CDC27: variants seen among roughly 807,000 people sequenced by gnomAD.
CDC27 encodes the protein cell division cycle 27, also known as cell division cycle protein 27 homolog.
Under a neutral mutation model 109.7 loss-of-function variants are expected in CDC27, and 27 were observed. The ratio of observed to expected loss-of-function variants is 0.25; its 90% CI spans 0.18 to 0.34. The LOEUF is 0.34. Among genes scored for constraint, CDC27 ranks in the 10% least tolerant of loss-of-function variants. The pLI is 1.00. For missense variants in CDC27, 579 were observed against 960.2 expected (o/e 0.60, Z 5.25); for synonymous variants, 266 against 333.9 (o/e 0.80, Z 2.22).
chr17:47,183,966 G>T (rs1011753775), intron 1 of CDC27, among the ~76,000 whole-genome samples: 16 of 152,226 alleles, frequency 1.1e-4, no homozygotes, highest in African/African-American at 3.4e-4. Flanking sequence ...ATAAATAGAA[G>T]AATTATTTTA....
rs775964025 is a variant in CDC27 at position 47,123,870 on chromosome 17, T to C, written c.2235+16A>G. ...CTATGAAAGTCACTGTTTGGGACCA[T>C]GACCCCAGTCTTTACCTTTCCTATT... On this transcript the variant is annotated intron_variant, in intron 17 of 18. Coordinates refer to ENST00000066544, the MANE Select transcript of CDC27 (RefSeq NM_001256.6). The C allele has an allele frequency of 4.5e-6, 7 of 1,555,166 alleles. No individual in the cohort carries two copies. The South Asian group carries it at 4.8e-5, about 11-fold the overall frequency.
intron 3 of CDC27, among the ~76,000 whole-genome samples, chr17:47,170,568 T>TGATCTTAAAATTTCACTTTTAC (rs1291184150): frequency 6.6e-6 from 1 of 152,206 alleles, no homozygotes; most frequent in African/African-American, 2.4e-5. Context: ...TGGAAATTTA[T>TGATCTTAAAATTTCACTTTTAC]GATCTTAAAA....
At chr17:47,168,053 G>A (rs2063701656) in intron 4 of CDC27, among the ~76,000 whole-genome samples, 1 of 152,246 alleles carries the variant, frequency 6.6e-6, no homozygotes, top group South Asian at 2.1e-4. Context: ...CTCCAGGCAA[G>A]CCACCTGCCA....
chr17:47,176,069 C>T (rs1281030834), intron 2 of CDC27, among the ~76,000 whole-genome samples: 2 of 152,044 alleles, frequency 1.3e-5, no homozygotes, highest in African/African-American at 4.8e-5. Flanking sequence ...AATACATGCA[C>T]AGCAATTAGG....
At chr17:47,180,299 C>A (rs1012535034) in intron 2 of CDC27, among the ~76,000 whole-genome samples, 1 of 152,086 alleles carries the variant, frequency 6.6e-6, no homozygotes, top group African/African-American at 2.4e-5. Context: ...CCTTTCTAAT[C>A]TTTTCATTGG....
rs1469215208 is a variant in CDC27, at chr17:47,131,329, C to CT, written c.2031+927dup. Among the ~76,000 whole-genome samples, 3 of 152,086 alleles carry CT rather than the reference C, an allele frequency of 2.0e-5. No individual in the cohort carries two copies. The East Asian group carries it at 5.8e-4, about 29-fold the overall frequency. On this transcript the variant is annotated intron_variant, in intron 15 of 18. Transcript: ENST00000066544. ...TAACTATAAAAGAAGTTACTGTCAA[C>CT]TTTTTTTTCTTGCCCTGTCTTACGG...
At chr17:47,161,424 G>C (rs1336385671) in intron 4 of CDC27, among the ~76,000 whole-genome samples, 1 of 152,176 alleles carries the variant, frequency 6.6e-6, no homozygotes, top group Non-Finnish European at 1.5e-5. Flanking sequence ...TGGCAAATCA[G>C]TGCTTGGGAG....
In CDC27 at chr17:47,170,035, C is replaced by A; in HGVS notation, c.259G>T (p.Glu87Ter). The A allele has an allele frequency of 6.6e-7, 1 of 1,515,990 alleles. No homozygotes were observed. The highest frequency in any genetic ancestry group is 8.8e-7 in the Non-Finnish European group (1 of 1,135,528). The allele number at this position is 1,515,990 out of a possible 1,614,324, so 93.9% of individuals were successfully genotyped here. A position where few individuals can be genotyped will look rare whatever the true frequency, so the allele number is the denominator to read the frequency against. Residue 87 changes from glutamate (E) to a stop codon, truncating the protein, a stop_gained, in exon 4 of 19, where the codon GAA becomes TAA. Coordinates refer to ENST00000066544, the MANE Select transcript of CDC27 (RefSeq NM_001256.6). LOFTEE classifies it high-confidence loss of function. The part of the protein sequence containing the change: ...KCCVDLSKLA[E>*]GEQILSGGVF... ...CCACCAGATAAGATTTGTTCCCCTTCTGCAAGCCTTTAAAATACAAATTTA... is the reference window on the plus strand; with the variant it reads ...CCACCAGATAAGATTTGTTCCCCTTATGCAAGCCTTTAAAATACAAATTTA...
chr17:47,177,748 C>T (rs926503835), intron 2 of CDC27, among the ~76,000 whole-genome samples: 2 of 151,974 alleles, frequency 1.3e-5, no homozygotes, highest in African/African-American at 2.4e-5. Context: ...AGTTACAATC[C>T]TCTTAGTCTC....
chr17:47,132,080 G>A (rs2062360837), intron 15 of CDC27, among the ~76,000 whole-genome samples, 177 bp downstream of exon 15: 1 of 68,686 alleles, frequency 1.5e-5, no homozygotes, highest in South Asian at 5.2e-4. Flanking sequence ...CAAGGGATAA[G>A]GGCAATTCTG....
At chr17:47,181,054 C>A (rs190374473) in intron 2 of CDC27, among the ~76,000 whole-genome samples, 1 of 148,858 alleles carries the variant, frequency 6.7e-6, no homozygotes, top group African/African-American at 2.5e-5. Context: ...GAATTTGAGA[C>A]CAGCCTGGGC....
chr17:47,172,416 A>G lies in CDC27; in HGVS notation c.104-352T>C, dbSNP rs550329683. Among the ~76,000 whole-genome samples, 3 of 152,286 alleles carry G rather than the reference A, an allele frequency of 2.0e-5. No individual in the cohort carries two copies. The South Asian group carries it at 6.2e-4, about 32-fold the overall frequency. On this transcript the variant is annotated intron_variant, in intron 2 of 18. Coordinates refer to ENST00000066544, the MANE Select transcript of CDC27 (RefSeq NM_001256.6). ...TTTTTAGGTAATATTTTTCTAATAA[A>G]TCTTTCGGGAGGATAGAAGTCAAAT...
chr17:47,150,659 T>G (rs1047845890), intron 9 of CDC27, among the ~76,000 whole-genome samples: 2 of 152,200 alleles, frequency 1.3e-5, no homozygotes, highest in African/African-American at 2.4e-5. Flanking sequence ...TGGTACTTTG[T>G]TATGGCAGCC....
chr17:47,149,234 G>A (rs1321141247), intron 9 of CDC27, among the ~76,000 whole-genome samples: 1 of 151,486 alleles, frequency 6.6e-6, no homozygotes, highest in African/African-American at 2.4e-5. Flanking sequence ...AAAAAGGCCA[G>A]GTGCGGTGGG....
intron 4 of CDC27, among the ~76,000 whole-genome samples, chr17:47,162,317 T>C (rs754759178): frequency 3.6e-4 from 55 of 152,244 alleles, no homozygotes; most frequent in Non-Finnish European, 7.5e-4. Flanking sequence ...TCCTAATTAA[T>C]GTCTTGCCTC....
At chr17:47,149,083 A>G (rs2063068225) in intron 9 of CDC27, among the ~76,000 whole-genome samples, 1 of 151,386 alleles carries the variant, frequency 6.6e-6, no homozygotes, top group African/African-American at 2.4e-5. Context: ...GTCTCAAAAA[A>G]AAAAAAAAAA....
chr17:47,171,342 A>C (rs976591203), intron 3 of CDC27, among the ~76,000 whole-genome samples: 5 of 152,242 alleles, frequency 3.3e-5, no homozygotes, highest in Admixed American at 2.0e-4. Context: ...CCAATTATAC[A>C]TACAGGCTTT....
At chr17:47,181,126 G>A (rs1395280047) in intron 2 of CDC27, among the ~76,000 whole-genome samples, 1 of 148,618 alleles carries the variant, frequency 6.7e-6, no homozygotes, top group Non-Finnish European at 1.5e-5. Flanking sequence ...GTGGTGGTCC[G>A]TGCCTGCGGT....
intron 4 of CDC27, among the ~76,000 whole-genome samples, chr17:47,164,586 G>C (rs1162226685): frequency 6.6e-6 from 1 of 152,220 alleles, no homozygotes; most frequent in Non-Finnish European, 1.5e-5. Flanking sequence ...GGAGGCCGAG[G>C]CAGGTGGATC....
Sources: allele counts gnomAD v4.1 joint callset (sites outside exome capture counted in the v4.1 genomes callset), GRCh38; gene constraint gnomAD v4.1.1; transcripts MANE v1.5; gene names NCBI Gene and HGNC (gene_info 2026-07-23, HGNC 2026-07-21).